Variants in HERC4 observed in about 807,000 individuals in gnomAD.
The protein encoded by HERC4 is probable E3 ubiquitin-protein ligase HERC4.
In HERC4, 28 loss-of-function variants were observed where a neutral mutation model predicts 124.3. The observed-to-expected ratio is 0.23, with a 90% CI of 0.17 to 0.31. The LOEUF (loss-of-function observed/expected upper bound fraction) is 0.31. Ranked by LOEUF, HERC4 falls within the 10% of genes least tolerant of loss-of-function variation. HERC4 has a pLI of 1.00. For missense variants in HERC4, 713 were observed against 1,229.3 expected, an observed-to-expected ratio of 0.58 and a Z score of 6.28; for synonymous variants, 407 against 421.5, an observed-to-expected ratio of 0.97 and a Z score of 0.42.
At chr10:68,018,144 T>G (rs1279946201) in intron 8 of HERC4, among the ~76,000 whole-genome samples, 7 of 151,670 alleles carry the variant, frequency 4.6e-5, no homozygotes, top group Non-Finnish European at 1.0e-4. Flanking sequence ...AACAGAATAT[T>G]CACAAATCAA....
intron 7 of HERC4, among the ~76,000 whole-genome samples, chr10:68,026,063 T>C (rs1272174285): frequency 6.6e-6 from 1 of 152,174 alleles, no homozygotes; most frequent in Non-Finnish European, 1.5e-5. Context: ...AAAGAGTACA[T>C]GTAACCAGAG....
intron 9 of HERC4, chr10:68,010,405 C>T (rs1161277897): frequency 3.1e-6 from 3 of 975,400 alleles, no homozygotes; most frequent in Non-Finnish European, 4.8e-6. Flanking sequence ...GCCTCAAAAT[C>T]CTCTCATGGT....
At chr10:68,062,493 G>A (rs995620107) in intron 3 of HERC4, among the ~76,000 whole-genome samples, 2 of 151,970 alleles carry the variant, frequency 1.3e-5, no homozygotes, top group Admixed American at 6.6e-5. Context: ...GGTGGCTCAC[G>A]CCTGTAATCC....
chr10:67,938,225 G>A (rs993573673), intron 21 of HERC4, among the ~76,000 whole-genome samples: 2 of 151,510 alleles, frequency 1.3e-5, no homozygotes, highest in South Asian at 2.1e-4. Flanking sequence ...GGCAGATCAC[G>A]AGGTCAAGAG....
intron 3 of HERC4, chr10:68,069,858 C>T (rs560532712): frequency 6.2e-4 from 301 of 488,942 alleles, no homozygotes; most frequent in Non-Finnish European, 7.4e-4. Context: ...CTGGCTAACA[C>T]GGTGAAACCC....
intron 3 of HERC4, among the ~76,000 whole-genome samples, chr10:68,044,813 A>C (rs1379230218): frequency 4.6e-5 from 7 of 152,176 alleles, no homozygotes; most frequent in Non-Finnish European, 8.8e-5. Flanking sequence ...TCAACTCAGA[A>C]TATCAAGTGA....
chr10:67,972,452 C>T (rs1179388210), intron 15 of HERC4, among the ~76,000 whole-genome samples: 5 of 130,048 alleles, frequency 3.8e-5, no homozygotes, highest in Admixed American at 1.8e-4. Context: ...ATCCGGGAGG[C>T]GGAGGTTGCG....
At chr10:67,968,272 C>T (rs548651555) in intron 15 of HERC4, among the ~76,000 whole-genome samples, 1 of 152,032 alleles carries the variant, frequency 6.6e-6, no homozygotes, top group African/African-American at 2.4e-5. Flanking sequence ...TAACTCTAAA[C>T]CATGAATGCA....
At chr10:67,929,273 G>C (rs1030447650) in intron 23 of HERC4, among the ~76,000 whole-genome samples, 2 of 152,158 alleles carry the variant, frequency 1.3e-5, no homozygotes, top group African/African-American at 4.8e-5. Context: ...CACATGTGCA[G>C]ATCTGTGTAA....
chr10:68,004,699 A>C (rs925122021), intron 9 of HERC4, among the ~76,000 whole-genome samples: 4 of 152,220 alleles, frequency 2.6e-5, no homozygotes, highest in African/African-American at 9.6e-5. Context: ...GGAGACTTAT[A>C]ATCATGGCAG....
At chr10:68,012,055 G>A (rs1291810580) in intron 9 of HERC4, among the ~76,000 whole-genome samples, 1 of 152,160 alleles carries the variant, frequency 6.6e-6, no homozygotes, top group Non-Finnish European at 1.5e-5. Context: ...ATATTTGCTA[G>A]CTTCAAGCTT....
chr10:68,056,873 T>C (rs991306139), intron 3 of HERC4, among the ~76,000 whole-genome samples: 1 of 152,024 alleles, frequency 6.6e-6, no homozygotes, highest in Non-Finnish European at 1.5e-5. Flanking sequence ...CTGAGAAAAA[T>C]AACCAAAATC....
chr10:67,975,014 C>A (rs562416583), intron 15 of HERC4, among the ~76,000 whole-genome samples: 160 of 152,138 alleles, frequency 1.1e-3, no homozygotes, highest in African/African-American at 3.6e-3. Context: ...GATGGTGAAA[C>A]CCCGTCTCTA....
chr10:68,068,923 C>A (rs2041434813), intron 3 of HERC4: 7 of 393,132 alleles, frequency 1.8e-5, no homozygotes, highest in Admixed American at 6.4e-5. Flanking sequence ...CTACATACAA[C>A]TGTTGTGAGA....
chr10:67,956,398 C>T (rs902944490), intron 17 of HERC4: 1 of 152,218 alleles, frequency 6.6e-6, no homozygotes, highest in African/African-American at 2.4e-5. Flanking sequence ...TGGTGACCAA[C>T]CCCAGGAACA....
intron 19 of HERC4, among the ~76,000 whole-genome samples, chr10:67,949,933 C>T (rs1419921343): frequency 6.6e-6 from 1 of 151,930 alleles, no homozygotes; most frequent in Admixed American, 6.6e-5. Flanking sequence ...GCAAGAGAAT[C>T]GCTTGAACCT....
intron 16 of HERC4, chr10:67,966,186 C>T (rs73263204): frequency 0.075 from 11,531 of 153,752 alleles, 1,129 homozygotes; most frequent in African/African-American, 0.23. Context: ...GTCATGTTGC[C>T]GAGGCTGGTC....
chr10:67,973,920 G>A (rs1201438296), intron 15 of HERC4, among the ~76,000 whole-genome samples: 1 of 151,594 alleles, frequency 6.6e-6, no homozygotes, highest in Non-Finnish European at 1.5e-5. Flanking sequence ...GGTGGCACGT[G>A]CCTGTAGACC....
chr10:67,972,224 A>C (rs1376505980), intron 15 of HERC4, among the ~76,000 whole-genome samples: 1 of 148,484 alleles, frequency 6.7e-6, no homozygotes, highest in Admixed American at 6.7e-5. Context: ...CAAAGGAAAA[A>C]AAAAAAAAAA....
Sources: gnomAD v4.1 joint callset for allele counts (sites outside exome capture counted in the v4.1 genomes callset) on GRCh38, gnomAD v4.1.1 for gene constraint, MANE v1.5 for transcripts, NCBI Gene and HGNC (gene_info 2026-07-23, HGNC 2026-07-21) for gene names.